The following KLHDC1 variants were observed in gnomAD, a reference collection of about 807,000 sequenced individuals.
KLHDC1 encodes kelch domain-containing protein 1.
Under a neutral mutation model 68.3 loss-of-function variants are expected in KLHDC1, and 53 were observed. That is an observed-to-expected ratio of 0.78 (90% confidence interval 0.62 to 0.98). KLHDC1 has a LOEUF of 0.98. Ranked by LOEUF, KLHDC1 falls within the 50% of genes least tolerant of loss-of-function variation. The pLI, the probability that KLHDC1 is intolerant of heterozygous loss-of-function variation, is 0.00. For missense variants in KLHDC1, 470 were observed against 492.3 expected (o/e 0.95, Z 0.43); for synonymous variants, 148 against 159.0 (o/e 0.93, Z 0.52).
intron 4 of KLHDC1, among the ~76,000 whole-genome samples, chr14:49,718,284 GTTGT>G (rs1178479326): frequency 2.6e-5 from 4 of 151,870 alleles, no homozygotes; most frequent in African/African-American, 4.8e-5. Context: ...TTTTGTTGTT[GTTGT>G]TTGTTTGTTT....
intron 1 of KLHDC1, chr14:49,707,905 C>T (rs567600289): frequency 2.6e-5 from 4 of 151,698 alleles, no homozygotes; most frequent in Admixed American, 6.6e-5. Context: ...ATCCTCCTGC[C>T]TTGGCCTCCC....
intron 4 of KLHDC1, among the ~76,000 whole-genome samples, chr14:49,717,371 T>C (rs1243819519): frequency 6.6e-6 from 1 of 152,190 alleles, no homozygotes; most frequent in African/African-American, 2.4e-5. Context: ...TCACCTATGC[T>C]TATTTTGGGT....
chr14:49,745,035 A>T, intron 12 of KLHDC1, among the ~76,000 whole-genome samples: 1 of 152,322 alleles, frequency 6.6e-6, no homozygotes, highest in South Asian at 2.1e-4. Context: ...GGAAGGAGGC[A>T]GGATTTGAGA....
chr14:49,696,044 C>T (rs1211417860), intron 1 of KLHDC1, among the ~76,000 whole-genome samples: 3 of 146,562 alleles, frequency 2.0e-5, no homozygotes, highest in East Asian at 2.0e-4. Context: ...CCAGCCTGGG[C>T]GACAGAGTGA....
chr14:49,743,996 A>G (rs925521725), intron 12 of KLHDC1, among the ~76,000 whole-genome samples, 191 bp downstream of exon 12: 3 of 152,192 alleles, frequency 2.0e-5, no homozygotes, highest in Non-Finnish European at 4.4e-5. Context: ...AAAAATTAAA[A>G]TATACATGCG....
chr14:49,717,772 C>T (rs575240838), intron 4 of KLHDC1, among the ~76,000 whole-genome samples: 3 of 152,062 alleles, frequency 2.0e-5, no homozygotes, highest in Admixed American at 1.3e-4. Flanking sequence ...GTAGAATTCG[C>T]CAGTGAAGCC....
Position 49,730,157 on chromosome 14 carries a change from G to T in KLHDC1, c.710+609G>T, listed in dbSNP as rs542632646. Among the ~76,000 whole-genome samples the T allele has an allele frequency of 3.3e-5, 5 of 150,446 alleles. No homozygotes were observed. The South Asian group carries it at 1.0e-3, about 31-fold the overall frequency. On this transcript the variant is annotated intron_variant, in intron 8 of 12. Transcript: ENST00000359332. The stretch of plus-strand genomic sequence containing the variant: ...ATTAAATATTTCTCTGTAGAAAAAT[G>T]TACCACAAAAAATTAAATGGCAAAT...
chr14:49,725,046 G>A (rs1486977302), intron 5 of KLHDC1, among the ~76,000 whole-genome samples: 1 of 151,972 alleles, frequency 6.6e-6, no homozygotes, highest in African/African-American at 2.4e-5. Context: ...TGCTTGACAA[G>A]GCCTGACAAA....
intron 1 of KLHDC1, among the ~76,000 whole-genome samples, chr14:49,704,546 A>G (rs1022461754): frequency 6.6e-6 from 1 of 151,662 alleles, no homozygotes. Context: ...GGCACCCGCC[A>G]CCATGCCCAG....
chr14:49,737,089 G>A (rs535341261), intron 10 of KLHDC1, among the ~76,000 whole-genome samples: 3 of 152,212 alleles, frequency 2.0e-5, no homozygotes, highest in South Asian at 2.1e-4. Context: ...CGTGAGTATC[G>A]CCAAGGTTAC....
chr14:49,706,885 C>T (rs954135072), intron 1 of KLHDC1, among the ~76,000 whole-genome samples: 1 of 142,794 alleles, frequency 7.0e-6, no homozygotes, highest in Non-Finnish European at 1.5e-5. Flanking sequence ...GGTTATTAAT[C>T]CCTTGTCACA....
intron 9 of KLHDC1, 61 bp from the exon 10 acceptor site, chr14:49,734,528 G>A (rs1372081459): frequency 2.1e-5 from 20 of 935,046 alleles, no homozygotes; most frequent in Non-Finnish European, 2.8e-5. Context: ...AAATTGGGGG[G>A]AAAATTAAAA....
At chr14:49,725,283 G>C (rs1361164041) in intron 5 of KLHDC1, among the ~76,000 whole-genome samples, 1 of 11,420 alleles carries the variant, frequency 8.8e-5, no homozygotes, top group Non-Finnish European at 1.9e-4. Flanking sequence ...GGAAGTTTTT[G>C]GGAACAGGAA....
At chr14:49,709,921 T>C in intron 3 of KLHDC1, 95 bp downstream of exon 3, 2 of 660,674 alleles carry the variant, frequency 3.0e-6, no homozygotes, top group Middle Eastern at 8.0e-4. Flanking sequence ...AGAAGATATA[T>C]ATAGAAAACC....
chr14:49,721,427 C>T (rs1208821877), intron 4 of KLHDC1, among the ~76,000 whole-genome samples: 1 of 152,124 alleles, frequency 6.6e-6, no homozygotes, highest in African/African-American at 2.4e-5. Context: ...AAGCAATCCG[C>T]CTGCCTCAGC....
At chr14:49,729,192 A>G (rs1888743343) in intron 7 of KLHDC1, among the ~76,000 whole-genome samples, 183 bp downstream of exon 7, 1 of 152,210 alleles carries the variant, frequency 6.6e-6, no homozygotes, top group African/African-American at 2.4e-5. Flanking sequence ...GATGATTATA[A>G]ATCATATTTT....
chr14:49,697,333 A>G (rs1887773685), intron 1 of KLHDC1, among the ~76,000 whole-genome samples: 1 of 152,210 alleles, frequency 6.6e-6, no homozygotes. Flanking sequence ...GTCTGAACAC[A>G]CACATTTATC....
intron 4 of KLHDC1, among the ~76,000 whole-genome samples, chr14:49,713,808 A>ATATATATATATG (rs1888273762): frequency 3.5e-4 from 1 of 2,860 alleles, no homozygotes; most frequent in East Asian, 0.038. Flanking sequence ...GTATATATAT[A>ATATATATATATG]TATATATATA....
At chr14:49,696,628 A>G (rs1887750360) in intron 1 of KLHDC1, among the ~76,000 whole-genome samples, 1 of 152,154 alleles carries the variant, frequency 6.6e-6, no homozygotes, top group African/African-American at 2.4e-5. Context: ...GGCCTAAGGG[A>G]ATGTTGTGGC....
Sources: gnomAD v4.1 joint callset for allele counts (sites outside exome capture counted in the v4.1 genomes callset) on GRCh38, gnomAD v4.1.1 for gene constraint, MANE v1.5 for transcripts, NCBI Gene and HGNC (gene_info 2026-07-23, HGNC 2026-07-21) for gene names.